The following FAM184A variants were observed in gnomAD, a reference collection of about 807,000 sequenced individuals.
The protein encoded by FAM184A is family with sequence similarity 184 member A.
A neutral mutation model predicts 143.8 loss-of-function variants in FAM184A; 99 were observed. The observed-to-expected ratio is 0.69, with a 90% confidence interval of 0.58 to 0.81. The LOEUF is 0.81. Ranked by LOEUF, FAM184A falls within the 40% of genes least tolerant of loss-of-function variation. The pLI is 0.00. For synonymous variants in FAM184A, 427 were observed against 446.4 expected, an observed-to-expected ratio of 0.96 and a Z score of 0.55; for missense variants, 1,217 against 1,310.5, an observed-to-expected ratio of 0.93 and a Z score of 1.10.
intron 1 of FAM184A, among the ~76,000 whole-genome samples, chr6:119,066,847 A>C (rs1247612239): frequency 6.6e-6 from 1 of 152,240 alleles, no homozygotes; most frequent in Non-Finnish European, 1.5e-5. Context: ...GTTAATTCAG[A>C]AACATCCAAC....
chr6:119,109,547 T>C (rs577357925), intron 1 of FAM184A, among the ~76,000 whole-genome samples: 3 of 152,358 alleles, frequency 2.0e-5, no homozygotes, highest in African/African-American at 4.8e-5. Context: ...ACTTTAGCTA[T>C]GTATACAGAG....
At chr6:119,111,330 A>G (rs1302400072) in intron 1 of FAM184A, among the ~76,000 whole-genome samples, 2 of 152,170 alleles carry the variant, frequency 1.3e-5, no homozygotes, top group Non-Finnish European at 2.9e-5. Flanking sequence ...AGAAACAGCA[A>G]GTAGAATGGT....
intron 1 of FAM184A, among the ~76,000 whole-genome samples, chr6:119,032,078 C>T (rs930815233): frequency 1.3e-5 from 2 of 152,026 alleles, no homozygotes; most frequent in Admixed American, 6.6e-5. Context: ...TCAAGACCAG[C>T]CTGGCCAACA....
chr6:118,995,075 T>C (rs1339674360), intron 9 of FAM184A, among the ~76,000 whole-genome samples: 2 of 152,206 alleles, frequency 1.3e-5, no homozygotes, highest in Non-Finnish European at 2.9e-5. Context: ...ACAATATTGA[T>C]ACTAGTCTTA....
chr6:118,962,345 A>AT (rs1470526541), intron 16 of FAM184A: 1 of 171,726 alleles, frequency 5.8e-6, no homozygotes, highest in Non-Finnish European at 1.3e-5. Flanking sequence ...TTAGGCTAAA[A>AT]TTAGGAGAAG....
chr6:119,087,416 A>G (rs1192738817), intron 1 of FAM184A, among the ~76,000 whole-genome samples: 4 of 152,230 alleles, frequency 2.6e-5, no homozygotes, highest in Admixed American at 2.6e-4. Context: ...CCCAATTAAA[A>G]TATGGACAAA....
chr6:118,972,869 G>T (rs1783737302), intron 14 of FAM184A, among the ~76,000 whole-genome samples: 1 of 152,142 alleles, frequency 6.6e-6, no homozygotes, highest in Non-Finnish European at 1.5e-5. Context: ...GACAGCCAAG[G>T]AATTGAGGTC....
Position 119,003,558 on chromosome 6 carries a change from T to C in FAM184A, c.1880A>G (p.Lys627Arg), listed in dbSNP as rs1243381421. The change falls in exon 8 of 18, where the codon AAG (lysine) becomes AGG (arginine). Residue 627 changes from lysine (K) to arginine (R), a missense_variant. Physicochemically the swap from Lys to Arg is conservative, Grantham distance 26 (BLOSUM62 2). Coordinates refer to ENST00000338891, the MANE Select transcript of FAM184A (RefSeq NM_024581.6). ...ETIAAMKEEE[K>R]LKVDKMAHDL... ...ATGGGCCATTTTGTCCACTTTGAGC[T>C]TCTCTTCTTCTTTCATGGCAGCAAT... The C allele has an allele frequency of 6.2e-7, 1 of 1,613,324 alleles. No homozygotes were observed. Among genetic ancestry groups the C allele is most frequent in the Non-Finnish European group, 8.5e-7 (1 of 1,179,574 alleles).
At chr6:119,023,822 TAAAAAAAAA>T (rs11353751) in intron 2 of FAM184A, 128 bp downstream of exon 2, 3 of 415,944 alleles carry the variant, frequency 7.2e-6, no homozygotes, top group South Asian at 1.5e-4. Context: ...CAGGAAAAGT[TAAAAAAAAA>T]AAAAAAAAAA....
At chr6:118,967,874 A>G (rs1341076124) in intron 14 of FAM184A, among the ~76,000 whole-genome samples, 2 of 152,258 alleles carry the variant, frequency 1.3e-5, no homozygotes, top group African/African-American at 4.8e-5. Context: ...TCACTCATGA[A>G]TACTGAGTAA....
intron 1 of FAM184A, among the ~76,000 whole-genome samples, chr6:119,140,171 G>A (rs1215712669): frequency 6.6e-6 from 1 of 152,236 alleles, no homozygotes; most frequent in Non-Finnish European, 1.5e-5. Context: ...AGAAGGCAAG[G>A]TCATCCAGGA....
At chr6:119,045,292 T>TTA (rs1786483077) in intron 1 of FAM184A, among the ~76,000 whole-genome samples, 1 of 2,780 alleles carries the variant, frequency 3.6e-4, no homozygotes, top group South Asian at 0.031. Flanking sequence ...AGTTTCTCAA[T>TTA]TTTTTTTTTT....
At position 119,058,267 on chromosome 6, in the gene FAM184A, T is replaced by A. The variant is rs553327350; in HGVS notation, c.159+19874A>T. ...GGCGTGATCTTGGCTCACTGCAACC[T>A]GTACCTCCAGGGTTCAAGCAATTCT... On this transcript the variant is annotated intron_variant, in intron 1 of 17. Coordinates refer to ENST00000338891, the MANE Select transcript of FAM184A (RefSeq NM_024581.6). 5.0e-4 allele frequency among the ~76,000 whole-genome samples: 74 copies of A among 146,712 alleles called. 2 individuals carry two copies. In the South Asian group the frequency reaches 0.016, roughly 33 times the overall value.
At chr6:119,102,279 C>A (rs186518797) in intron 1 of FAM184A, among the ~76,000 whole-genome samples, 350 of 152,052 alleles carry the variant, frequency 2.3e-3, no homozygotes, top group Admixed American at 3.4e-3. Context: ...TTAGGATTTG[C>A]TGTAGGCCAG....
intron 1 of FAM184A, among the ~76,000 whole-genome samples, chr6:119,028,919 T>C (rs910813224): frequency 2.0e-5 from 3 of 152,184 alleles, no homozygotes; most frequent in Non-Finnish European, 4.4e-5. Context: ...TCATTTGGTG[T>C]CCACTAGAGA....
chr6:118,974,949 A>G (rs1462769651), intron 13 of FAM184A, 75 bp downstream of exon 13: 1 of 1,222,260 alleles, frequency 8.2e-7, no homozygotes, highest in Non-Finnish European at 1.2e-6. Context: ...CAAAATTAGC[A>G]TAGATTACTA....
chr6:118,963,722 A>G (rs1270939487), intron 16 of FAM184A: 1 of 151,908 alleles, frequency 6.6e-6, no homozygotes, highest in African/African-American at 2.4e-5. Context: ...TTATTCTACT[A>G]CTGATTTCTG....
intron 9 of FAM184A, among the ~76,000 whole-genome samples, chr6:119,001,532 G>C (rs1784756583): frequency 6.6e-6 from 1 of 151,756 alleles, no homozygotes; most frequent in Non-Finnish European, 1.5e-5. Flanking sequence ...GGTCCTCTCA[G>C]GAAAGAACTG....
intron 9 of FAM184A, among the ~76,000 whole-genome samples, chr6:118,983,310 T>A (rs1197259655): frequency 6.6e-6 from 1 of 152,206 alleles, no homozygotes; most frequent in Non-Finnish European, 1.5e-5. Context: ...TTTTTATAGC[T>A]ATAATTTAAA....
Sources: allele counts gnomAD v4.1 joint callset (sites outside exome capture counted in the v4.1 genomes callset), GRCh38; gene constraint gnomAD v4.1.1; transcripts MANE v1.5; gene names NCBI Gene and HGNC (gene_info 2026-07-23, HGNC 2026-07-21).